Variants in ECT2 observed in about 807,000 individuals in gnomAD.
ECT2 encodes the protein protein ECT2.
Under a neutral mutation model 116.9 loss-of-function variants are expected in ECT2, and 61 were observed. The observed-to-expected ratio is 0.52, with a 90% CI of 0.42 to 0.65. The LOEUF (loss-of-function observed/expected upper bound fraction) is 0.65, where lower values mean the gene tolerates loss of function less well. Ranked by LOEUF, ECT2 falls within the 30% of genes least tolerant of loss-of-function variation. The pLI is 0.00. For missense variants in ECT2, 937 were observed against 1,078.7 expected (o/e 0.87, Z 1.84); for synonymous variants, 358 against 346.4 (o/e 1.03, Z -0.37).
At chr3:172,790,134 C>T (rs7642908) in intron 18 of ECT2, among the ~76,000 whole-genome samples, 9,355 of 152,190 alleles carry the variant, frequency 0.061, 969 homozygotes, top group African/African-American at 0.21. Context: ...CTGAGGTCTC[C>T]GCTTATGCCT....
chr3:172,806,972 A>C (rs4619813), intron 21 of ECT2, among the ~76,000 whole-genome samples: 70,684 of 151,942 alleles, frequency 0.47, 19,506 homozygotes, highest in East Asian at 0.69. Context: ...AAACTTGAAC[A>C]GCAACTTCCT....
At chr3:172,781,355 G>A (rs1722665067) in intron 14 of ECT2, among the ~76,000 whole-genome samples, 1 of 152,170 alleles carries the variant, frequency 6.6e-6, no homozygotes, top group African/African-American at 2.4e-5. Flanking sequence ...ATACTTGTGA[G>A]AGAATGAGTG....
rs193282501 is a variant in ECT2, at chr3:172,784,310, A to G, written c.1729-397A>G. On this transcript the variant is annotated intron_variant, in intron 16 of 24. Transcript: ENST00000392692. ...AAAAGTTTTTTTTAAAGTTTTATGT[A>G]TTTTAGTTCTCAAAACACCTAATGA... Among the ~76,000 whole-genome samples the G allele has an allele frequency of 2.3e-3, 355 of 152,202 alleles. 2 individuals are homozygous for G. The highest frequency in any genetic ancestry group is 8.2e-3 in the African/African-American group (339 of 41,526).
intron 24 of ECT2, chr3:172,818,456 T>TC: frequency 1.5e-6 from 1 of 689,458 alleles, no homozygotes; most frequent in Non-Finnish European, 1.8e-6. Flanking sequence ...TATGGTTATG[T>TC]CACTTTTAAT....
intron 18 of ECT2, among the ~76,000 whole-genome samples, chr3:172,801,610 C>A (rs1048031529): frequency 6.6e-6 from 1 of 152,172 alleles, no homozygotes; most frequent in Non-Finnish European, 1.5e-5. Flanking sequence ...AGTAATTTGC[C>A]CTGCGGACTA....
At chr3:172,766,784 G>C (rs1233545889) in intron 12 of ECT2, among the ~76,000 whole-genome samples, 1 of 152,196 alleles carries the variant, frequency 6.6e-6, no homozygotes, top group Non-Finnish European at 1.5e-5. Context: ...CAGCTTGAGA[G>C]GGAGATCATG....
downstream of ECT2, among the ~76,000 whole-genome samples, chr3:172,824,396 C>A (rs1195243490): frequency 6.6e-6 from 1 of 151,972 alleles, no homozygotes. Flanking sequence ...GGGAGAGAGA[C>A]GGGGAAGGTG....
chr3:172,766,278 T>C (rs1239718322), intron 12 of ECT2, among the ~76,000 whole-genome samples: 1 of 152,182 alleles, frequency 6.6e-6, no homozygotes, highest in Non-Finnish European at 1.5e-5. Context: ...ATCAGTTTGC[T>C]TGGAATGTGG....
rs1419884532 is a variant in ECT2 at position 172,754,514 on chromosome 3, T to G, written c.-17T>G. On this transcript the variant is annotated 5_prime_UTR_variant, in exon 2 of 25. It adds an upstream start codon to the 5' untranslated region. Coordinates refer to ENST00000392692, the MANE Select transcript of ECT2 (RefSeq NM_001258315.2). Reference sequence around the variant, plus strand: ...TTCAAATTTTATTTTTTCAGCTGATTTAGAAGAATACAAATCATGGCTGAA... The same window carrying G: ...TTCAAATTTTATTTTTTCAGCTGATGTAGAAGAATACAAATCATGGCTGAA... The G allele has an allele frequency of 1.6e-5, 25 of 1,579,404 alleles. No individual in the cohort carries two copies. Among genetic ancestry groups the G allele is most frequent in the Non-Finnish European group, 2.1e-5 (25 of 1,165,944 alleles).
At chr3:172,756,927 G>A (rs1717101062) in intron 4 of ECT2, 56 bp from the exon 5 acceptor site, 1 of 1,410,954 alleles carries the variant, frequency 7.1e-7, no homozygotes, top group Non-Finnish European at 9.7e-7. Flanking sequence ...TAGAGAGACA[G>A]ATGGATTATT....
chr3:172,788,836 G>T (rs979304938), intron 18 of ECT2, among the ~76,000 whole-genome samples: 3 of 152,098 alleles, frequency 2.0e-5, no homozygotes, highest in African/African-American at 7.2e-5. Context: ...GAGGCGGGTG[G>T]ATCACGAGGT....
intron 24 of ECT2, 126 bp downstream of exon 24, chr3:172,816,963 G>T: frequency 1.4e-6 from 1 of 701,782 alleles, no homozygotes; most frequent in Non-Finnish European, 2.2e-6. Flanking sequence ...ATTTAACCCA[G>T]TATGCTAAAA....
At chr3:172,780,869 CTGTT>C (rs200851292) in intron 14 of ECT2, among the ~76,000 whole-genome samples, 3,383 of 152,134 alleles carry the variant, frequency 0.022, 135 homozygotes, top group African/African-American at 0.077. Flanking sequence ...TGGCTACTGT[CTGTT>C]GCCTGTTTTT....
Position 172,759,034 on chromosome 3 carries a change from C to T in ECT2, c.541C>T (p.Leu181=), listed in dbSNP as rs772666019. 1.7e-5 allele frequency: 28 copies of T among 1,608,912 alleles called. No individual in the cohort carries two copies. The highest frequency in any genetic ancestry group is 2.1e-5 in the Non-Finnish European group (25 of 1,178,542). ...TTGTACAAGTATGATGAATCTAGTACTATGCTTTACTGGATTTAGGAAAAA... is the reference window on the plus strand; with the variant it reads ...TTGTACAAGTATGATGAATCTAGTATTATGCTTTACTGGATTTAGGAAAAA... ...LYCTSMMNLV[L]CFTGFRKKEE... Residue 181 remains leucine (L), a synonymous_variant, in exon 6 of 25, where the codon CTA becomes TTA. Transcript: ENST00000392692.
chr3:172,774,149 C>A, intron 14 of ECT2, 127 bp downstream of exon 14: 1 of 830,190 alleles, frequency 1.2e-6, no homozygotes. Context: ...CTTATTAGTT[C>A]CTTTGAATCA....
At chr3:172,821,498 C>T (rs1027853267), downstream of ECT2, 4 of 151,812 alleles carry the variant, frequency 2.6e-5, no homozygotes, top group Non-Finnish European at 5.9e-5. Context: ...GTATTAATTT[C>T]TTCAAGGAAA....
At chr3:172,825,957 G>A (rs999275772), downstream of ECT2, among the ~76,000 whole-genome samples, 1 of 152,170 alleles carries the variant, frequency 6.6e-6, no homozygotes, top group Non-Finnish European at 1.5e-5. Flanking sequence ...GCAATGGCGC[G>A]ATCTCGGCTC....
intron 22 of ECT2, among the ~76,000 whole-genome samples, chr3:172,809,580 C>CAA (rs1267855616): frequency 4.0e-5 from 6 of 149,996 alleles, no homozygotes; most frequent in African/African-American, 1.5e-4. Context: ...CACACACACA[C>CAA]ACACACACAC....
At chr3:172,818,405 A>T in intron 24 of ECT2, 2 of 416,214 alleles carry the variant, frequency 4.8e-6, no homozygotes, top group Non-Finnish European at 6.6e-6. Flanking sequence ...TCAAATGAAA[A>T]TAAATGAATT....
Sources: allele counts gnomAD v4.1 joint callset (sites outside exome capture counted in the v4.1 genomes callset), GRCh38; gene constraint gnomAD v4.1.1; transcripts MANE v1.5; gene names NCBI Gene and HGNC (gene_info 2026-07-23, HGNC 2026-07-21).